Variants in SOX5 observed in about 807,000 individuals in gnomAD.
The protein encoded by SOX5 is transcription factor SOX-5.
A neutral mutation model predicts 92.0 loss-of-function variants in SOX5; 9 were observed. The ratio of observed to expected loss-of-function variants is 0.10; its 90% CI spans 0.06 to 0.17. The LOEUF is 0.17. Among genes scored for constraint, SOX5 ranks in the 10% least tolerant of loss-of-function variants. The pLI is 1.00. For synonymous variants in SOX5, 344 were observed against 336.3 expected (o/e 1.02, Z -0.25); for missense variants, 642 against 944.5 (o/e 0.68, Z 4.20).
chr12:24,237,345 T>G (rs1964713530), intron 3 of SOX5, among the ~76,000 whole-genome samples: 1 of 152,176 alleles, frequency 6.6e-6, no homozygotes, highest in Admixed American at 6.5e-5. Context: ...AACACCTGGC[T>G]AGTTCACTGT....
chr12:24,113,107 C>T (rs1947565815), intron 4 of SOX5, among the ~76,000 whole-genome samples: 1 of 151,424 alleles, frequency 6.6e-6, no homozygotes, highest in African/African-American at 2.4e-5. Context: ...AAAATCAATA[C>T]AATGTCCTAC....
intron 3 of SOX5, among the ~76,000 whole-genome samples, chr12:24,262,913 C>T (rs1419968574): frequency 6.6e-6 from 1 of 152,216 alleles, no homozygotes; most frequent in East Asian, 1.9e-4. Context: ...TACATTGCCT[C>T]CAAAATGTCT....
intron 1 of SOX5, among the ~76,000 whole-genome samples, chr12:24,433,202 G>A (rs1009728329): frequency 6.6e-6 from 1 of 152,198 alleles, no homozygotes; most frequent in Non-Finnish European, 1.5e-5. Flanking sequence ...GCTGAAAATT[G>A]AGGTGATTGT....
chr12:23,721,388 A>G (rs1224875034), intron 6 of SOX5, among the ~76,000 whole-genome samples: 2 of 152,072 alleles, frequency 1.3e-5, no homozygotes, highest in African/African-American at 4.8e-5. Context: ...CCTGGCCTAT[A>G]TTAATTATTT....
At chr12:24,328,240 C>G (rs1381153823) in intron 2 of SOX5, among the ~76,000 whole-genome samples, 1 of 152,204 alleles carries the variant, frequency 6.6e-6, no homozygotes, top group East Asian at 1.9e-4. Context: ...ATGCCCTCCT[C>G]TCAACGTCTA....
intron 3 of SOX5, among the ~76,000 whole-genome samples, chr12:23,779,947 C>T (rs2095237339): frequency 9.6e-6 from 1 of 104,368 alleles, no homozygotes; most frequent in Admixed American, 1.0e-4. Flanking sequence ...GCATGAGACA[C>T]AGCGAGACTG....
chr12:24,427,937 G>C (rs1293024239), intron 1 of SOX5, among the ~76,000 whole-genome samples: 1 of 152,176 alleles, frequency 6.6e-6, no homozygotes, highest in African/African-American at 2.4e-5. Flanking sequence ...CCTAAATATT[G>C]ATTTTTCAGG....
At chr12:24,237,286 C>T (rs1481280982) in intron 3 of SOX5, among the ~76,000 whole-genome samples, 1 of 152,164 alleles carries the variant, frequency 6.6e-6, no homozygotes, top group Non-Finnish European at 1.5e-5. Context: ...TCCTGCTCTT[C>T]TAAGGTTTGG....
intron 4 of SOX5, among the ~76,000 whole-genome samples, chr12:24,095,795 A>G (rs887938510): frequency 3.3e-5 from 5 of 152,050 alleles, no homozygotes; most frequent in Admixed American, 3.3e-4. Flanking sequence ...TGGTTTTATA[A>G]GGGGCTCTCC....
At chr12:23,648,194 G>T (rs2081118630) in intron 7 of SOX5, among the ~76,000 whole-genome samples, 2 of 152,058 alleles carry the variant, frequency 1.3e-5, no homozygotes, top group Admixed American at 6.5e-5. Context: ...ATCAAAATAT[G>T]ACAAAGAGAC....
chr12:24,060,359 T>C (rs1939430131), intron 4 of SOX5, among the ~76,000 whole-genome samples: 2 of 152,246 alleles, frequency 1.3e-5, no homozygotes, highest in South Asian at 2.1e-4. Context: ...GCGCTTGTAC[T>C]GCACTCTTAT....
chr12:24,311,100 C>T (rs1286857543), intron 2 of SOX5, among the ~76,000 whole-genome samples: 1 of 152,104 alleles, frequency 6.6e-6, no homozygotes, highest in African/African-American at 2.4e-5. Flanking sequence ...TTCATAAGAC[C>T]CTCATTCCAG....
At chr12:23,770,052 T>TG (rs1567619967) in intron 3 of SOX5, among the ~76,000 whole-genome samples, 1 of 148,768 alleles carries the variant, frequency 6.7e-6, no homozygotes, top group Non-Finnish European at 1.5e-5. Flanking sequence ...CCCTCTGTTT[T>TG]TTTTTTTTTT....
intron 4 of SOX5, among the ~76,000 whole-genome samples, chr12:24,158,866 G>C (rs1005454632): frequency 6.6e-6 from 1 of 151,730 alleles, no homozygotes; most frequent in East Asian, 1.9e-4. Context: ...AACATACTTG[G>C]TTAACATTTG....
At chr12:23,822,503 A>AT (rs1400091130) in intron 3 of SOX5, among the ~76,000 whole-genome samples, 2 of 151,664 alleles carry the variant, frequency 1.3e-5, no homozygotes, top group Non-Finnish European at 3.0e-5. Context: ...TATGATTTCC[A>AT]TTTTTTGCAT....
chr12:24,044,465 C>T (rs1412287429), intron 4 of SOX5, among the ~76,000 whole-genome samples: 2 of 152,128 alleles, frequency 1.3e-5, no homozygotes, highest in Non-Finnish European at 2.9e-5. Context: ...AACATTCTCA[C>T]GATAAGGCAG....
chr12:24,165,458 G>T (rs1215398541), intron 4 of SOX5, among the ~76,000 whole-genome samples: 1 of 152,110 alleles, frequency 6.6e-6, no homozygotes, highest in Non-Finnish European at 1.5e-5. Context: ...AGATTTACCA[G>T]TCCAATGGAT....
At chr12:23,705,435 G>A (rs1297232165) in intron 6 of SOX5, among the ~76,000 whole-genome samples, 1 of 151,850 alleles carries the variant, frequency 6.6e-6, no homozygotes, top group East Asian at 1.9e-4. Flanking sequence ...CAGAGGCTTT[G>A]TGCACACTAA....
intron 1 of SOX5, among the ~76,000 whole-genome samples, chr12:24,388,988 G>T (rs1011663070): frequency 2.0e-5 from 3 of 151,726 alleles, no homozygotes; most frequent in African/African-American, 7.3e-5. Flanking sequence ...TAAGTTTTAG[G>T]GTACATGTGC....
Sources: gnomAD v4.1 joint callset for allele counts (sites outside exome capture counted in the v4.1 genomes callset) on GRCh38, gnomAD v4.1.1 for gene constraint, MANE v1.5 for transcripts, NCBI Gene and HGNC (gene_info 2026-07-23, HGNC 2026-07-21) for gene names.